PDE8A: variants seen among roughly 807,000 people sequenced by gnomAD.
The protein encoded by PDE8A is phosphodiesterase 8A.
A neutral mutation model predicts 105.0 loss-of-function variants in PDE8A; 59 were observed. The ratio of observed to expected loss-of-function variants is 0.56; its 90% CI spans 0.46 to 0.70. PDE8A has a LOEUF of 0.70. PDE8A is among the 30% of genes least tolerant of loss of function. PDE8A has a pLI of 0.00. For synonymous variants in PDE8A, 355 were observed against 371.9 expected, an observed-to-expected ratio of 0.95 and a Z score of 0.52; for missense variants, 1,014 against 1,045.9, an observed-to-expected ratio of 0.97 and a Z score of 0.42.
chr15:85,041,021 A>C (rs1221762573), intron 1 of PDE8A, among the ~76,000 whole-genome samples: 1 of 152,184 alleles, frequency 6.6e-6, no homozygotes, highest in East Asian at 1.9e-4. Context: ...AACCCTAGAC[A>C]GACATCTTTT....
At chr15:85,059,640 C>T (rs568666083) in intron 1 of PDE8A, among the ~76,000 whole-genome samples, 2 of 152,156 alleles carry the variant, frequency 1.3e-5, no homozygotes, top group Non-Finnish European at 2.9e-5. Flanking sequence ...GTATAACTTC[C>T]CCTGCTCTTT....
rs765884530 is a variant in PDE8A at position 85,059,442 on chromosome 15, A to G, written c.187-4928A>G. 2.6e-5 allele frequency among the ~76,000 whole-genome samples: 4 copies of G among 152,340 alleles called. No homozygotes were observed. In the East Asian group the frequency reaches 5.8e-4, roughly 22 times the overall value. On this transcript the variant is annotated intron_variant, in intron 1 of 21. Coordinates refer to ENST00000394553, the MANE Select transcript of PDE8A (RefSeq NM_002605.3). ...GAGGGGGGTGTTGAAGTCTTCAACT[A>G]TAATTTTAGAACTGTCTCTTCCTTC... is the stretch of plus-strand genomic sequence containing the variant.
At chr15:85,115,919 CAAAA>C (rs35865189) in intron 15 of PDE8A, 61 bp from the exon 16 acceptor site, 73 of 1,185,240 alleles carry the variant, frequency 6.2e-5, no homozygotes, top group South Asian at 1.2e-4. Flanking sequence ...GATTCCGTCT[CAAAA>C]AAAAAAAAAA....
intron 1 of PDE8A, among the ~76,000 whole-genome samples, chr15:84,994,720 A>G (rs2079947129): frequency 6.6e-6 from 1 of 152,172 alleles, no homozygotes; most frequent in Non-Finnish European, 1.5e-5. Flanking sequence ...TAATCCCAGC[A>G]CTTTGGGAGG....
chr15:85,139,027 T>TAATA lies in PDE8A; in HGVS notation c.*1125_*1128dup, dbSNP rs2082460246. On this transcript the variant is annotated 3_prime_UTR_variant, in exon 22 of 22. Coordinates refer to ENST00000394553, the MANE Select transcript of PDE8A (RefSeq NM_002605.3). ...TGTATCTTCACACCTTGAATAAGCATAATACCATAAAAAATGACACTTGAC... is the reference window on the plus strand; with the variant it reads ...TGTATCTTCACACCTTGAATAAGCATAATAAATACCATAAAAAATGACACTTGAC... 6.6e-6 allele frequency: 1 copy of TAATA among 152,154 alleles called. No homozygotes were observed. The highest frequency in any genetic ancestry group is 2.1e-4 in the South Asian group (1 of 4,832). The allele number at this position is 152,154 out of a possible 1,614,324, so 9.4% of individuals were successfully genotyped here.
chr15:85,028,056 T>C (rs74448811), intron 1 of PDE8A, among the ~76,000 whole-genome samples: 3,812 of 152,360 alleles, frequency 0.025, 169 homozygotes, highest in African/African-American at 0.086. Flanking sequence ...GTGGTGAACA[T>C]CTATTAATAT....
intron 1 of PDE8A, among the ~76,000 whole-genome samples, chr15:84,999,330 A>G (rs947347766): frequency 6.6e-6 from 1 of 152,132 alleles, no homozygotes; most frequent in Non-Finnish European, 1.5e-5. Context: ...CATGTTGGCC[A>G]GGCCTGGTCT....
At chr15:85,133,346 C>T (rs989082581) in intron 20 of PDE8A, among the ~76,000 whole-genome samples, 13 of 152,282 alleles carry the variant, frequency 8.5e-5, no homozygotes, top group Admixed American at 7.8e-4. Flanking sequence ...CTAAGTGAAA[C>T]AGAGACCAAT....
chr15:85,136,716 C>T (rs192756819), intron 21 of PDE8A, 53 bp downstream of exon 21: 22 of 1,549,192 alleles, frequency 1.4e-5, no homozygotes, highest in Middle Eastern at 2.0e-4. Context: ...TGGGGAACCG[C>T]GTATGAAAGA....
chr15:85,074,941 TCTC>T (rs2081360724), intron 3 of PDE8A, among the ~76,000 whole-genome samples: 1 of 152,128 alleles, frequency 6.6e-6, no homozygotes, highest in Admixed American at 6.5e-5. Flanking sequence ...TCCTCTACAT[TCTC>T]CTCCTTTTAG....
At chr15:84,984,503 T>G (rs1264508388) in intron 1 of PDE8A, among the ~76,000 whole-genome samples, 4 of 152,250 alleles carry the variant, frequency 2.6e-5, no homozygotes, top group African/African-American at 9.6e-5. Context: ...ACAAAATTTC[T>G]TATTAAAACT....
At position 85,083,575 on chromosome 15, in the gene PDE8A, A is replaced by G. The variant is rs746385273; in HGVS notation, c.566A>G (p.Asn189Ser). The part of the protein sequence containing the change: ...GFTRRYVENP[N>S]IMACYNELLQ... ...TTGTAGAGGTATGTAGAAAACCCCAACATCATGGCCTGCTACAATGAACTG... is the reference window on the plus strand; with the variant it reads ...TTGTAGAGGTATGTAGAAAACCCCAGCATCATGGCCTGCTACAATGAACTG... The change falls in exon 6 of 22, where the codon AAC (asparagine) becomes AGC (serine). Residue 189 changes from asparagine to serine, a missense_variant. By Grantham distance (46) the Asn-to-Ser change is conservative. Transcript: ENST00000394553. The G allele has an allele frequency of 1.9e-6, 3 of 1,612,582 alleles. No homozygotes were observed. The highest frequency in any genetic ancestry group is 2.5e-6 in the Non-Finnish European group (3 of 1,178,622).
chr15:85,042,802 TCAC>T (rs2080830814), intron 1 of PDE8A, among the ~76,000 whole-genome samples: 1 of 152,200 alleles, frequency 6.6e-6, no homozygotes, highest in Non-Finnish European at 1.5e-5. Flanking sequence ...CATTTAATCT[TCAC>T]AATCACTATT....
rs538317150 is a variant in PDE8A, at chr15:84,985,735, T to A, written c.186+3387T>A. On this transcript the variant is annotated intron_variant, in intron 1 of 21. Coordinates refer to ENST00000394553, the MANE Select transcript of PDE8A (RefSeq NM_002605.3). ...CGTAAACGTATGTTGAATTAGAGAA[T>A]TTTGTGAACCAGGCTGTCAAGTTGA... Among the ~76,000 whole-genome samples the A allele has an allele frequency of 2.0e-5, 3 of 152,286 alleles. No homozygotes were observed. The East Asian group carries it at 5.8e-4, about 29-fold the overall frequency.
intron 1 of PDE8A, among the ~76,000 whole-genome samples, chr15:85,025,058 T>C (rs2080491817): frequency 6.6e-6 from 1 of 152,228 alleles, no homozygotes; most frequent in African/African-American, 2.4e-5. Flanking sequence ...ATAAATCAGA[T>C]AAACCTTTTC....
At chr15:85,072,403 T>C (rs1260933911) in intron 3 of PDE8A, among the ~76,000 whole-genome samples, 1 of 152,208 alleles carries the variant, frequency 6.6e-6, no homozygotes, top group Non-Finnish European at 1.5e-5. Context: ...TTCTATTCTT[T>C]TCCTAATAAC....
At chr15:85,029,588 A>G (rs289392) in intron 1 of PDE8A, among the ~76,000 whole-genome samples, 82,754 of 151,850 alleles carry the variant, frequency 0.54, 22,591 homozygotes, top group East Asian at 0.57. Context: ...TTTCTTTTCT[A>G]CATGAATTTG....
At chr15:85,009,106 A>AGT (rs1482375449) in intron 1 of PDE8A, among the ~76,000 whole-genome samples, 7 of 25,966 alleles carry the variant, frequency 2.7e-4, no homozygotes, top group African/African-American at 5.6e-4. Context: ...AGAGAGAGAG[A>AGT]GAGAGTGTGT....
chr15:85,099,648 T>C (rs2081824489), intron 9 of PDE8A: 1 of 211,494 alleles, frequency 4.7e-6, no homozygotes, highest in Non-Finnish European at 9.5e-6. Flanking sequence ...CGTGAGCAGA[T>C]TGTTTGTTGG....
Sources: gnomAD v4.1 joint callset for allele counts (sites outside exome capture counted in the v4.1 genomes callset) on GRCh38, gnomAD v4.1.1 for gene constraint, MANE v1.5 for transcripts, NCBI Gene and HGNC (gene_info 2026-07-23, HGNC 2026-07-21) for gene names.